Variants in IL1RAPL1 observed in about 807,000 individuals in gnomAD.
IL1RAPL1 encodes interleukin-1 receptor accessory protein-like 1.
In IL1RAPL1, 3 loss-of-function variants were observed where a neutral mutation model predicts 48.4. That is an observed-to-expected ratio of 0.06 (90% confidence interval 0.03 to 0.16). The LOEUF (loss-of-function observed/expected upper bound fraction) is 0.16, where lower values mean the gene tolerates loss of function less well. Ranked by LOEUF, IL1RAPL1 falls within the 10% of genes least tolerant of loss-of-function variation. The pLI is 1.00. For missense variants in IL1RAPL1, 349 were observed against 530.6 expected, an observed-to-expected ratio of 0.66 and a Z score of 3.36; for synonymous variants, 185 against 187.7, an observed-to-expected ratio of 0.99 and a Z score of 0.12.
intron 6 of IL1RAPL1, among the ~76,000 whole-genome samples, chrX:29,800,557 G>A (rs1204079752): frequency 9.1e-6 from 1 of 109,931 alleles, no homozygotes; most frequent in Non-Finnish European, 1.9e-5. Context: ...TATATATGCA[G>A]AAAAGCAATG....
chrX:29,351,175 A>G (rs1467863271), intron 3 of IL1RAPL1, among the ~76,000 whole-genome samples: 1 of 112,147 alleles, frequency 8.9e-6, no homozygotes, highest in Non-Finnish European at 1.9e-5. Flanking sequence ...AAGGTCTGAT[A>G]AGGAATTTTG....
At chrX:28,735,435 A>G (rs1402446969) in intron 1 of IL1RAPL1, among the ~76,000 whole-genome samples, 4 of 110,552 alleles carry the variant, frequency 3.6e-5, no homozygotes, top group Non-Finnish European at 5.7e-5. Flanking sequence ...TCTATAGAAT[A>G]TTTTTCAGAA....
intron 5 of IL1RAPL1, among the ~76,000 whole-genome samples, chrX:29,558,941 G>C (rs1922094939): frequency 9.0e-6 from 1 of 111,584 alleles, no homozygotes; most frequent in African/African-American, 3.2e-5. Flanking sequence ...TAGCCTTGTA[G>C]TGTATTTTGA....
At chrX:29,838,384 T>C (rs1185598142) in intron 6 of IL1RAPL1, among the ~76,000 whole-genome samples, 1 of 112,217 alleles carries the variant, frequency 8.9e-6, no homozygotes, top group Non-Finnish European at 1.9e-5. Flanking sequence ...CAACTTGGAA[T>C]CTCCTCAAGT....
chrX:29,803,573 A>G (rs1213278347), intron 6 of IL1RAPL1, among the ~76,000 whole-genome samples: 1 of 101,827 alleles, frequency 9.8e-6, no homozygotes, highest in Admixed American at 1.1e-4. Flanking sequence ...ATATATGTAT[A>G]CATATATGTA....
chrX:29,615,444 GAA>G (rs1489799064), intron 5 of IL1RAPL1, among the ~76,000 whole-genome samples: 1 of 110,614 alleles, frequency 9.0e-6, no homozygotes, highest in Non-Finnish European at 1.9e-5. Context: ...GGGGACGGGA[GAA>G]AAAAGTTCTC....
intron 5 of IL1RAPL1, among the ~76,000 whole-genome samples, chrX:29,522,561 T>C (rs1242924814): frequency 8.9e-6 from 1 of 111,999 alleles, no homozygotes; most frequent in Non-Finnish European, 1.9e-5. Flanking sequence ...TGTCTCTCCG[T>C]ATCTGGAGAC....
intron 5 of IL1RAPL1, among the ~76,000 whole-genome samples, chrX:29,432,469 C>G (rs56346347): frequency 0.085 from 9,476 of 110,929 alleles, 554 homozygotes; most frequent in African/African-American, 0.21. Flanking sequence ...TTGAGCAACT[C>G]TCCCTACACA....
chrX:29,154,408 C>T (rs1017861789), intron 2 of IL1RAPL1, among the ~76,000 whole-genome samples: 5 of 110,082 alleles, frequency 4.5e-5, no homozygotes, highest in Admixed American at 9.8e-5. Flanking sequence ...GGCATGGTGG[C>T]GCATGCCTGT....
intron 3 of IL1RAPL1, among the ~76,000 whole-genome samples, chrX:29,362,719 A>G (rs1933393573): frequency 8.9e-6 from 1 of 111,738 alleles, no homozygotes; most frequent in African/African-American, 3.3e-5. Flanking sequence ...TTATCCAACG[A>G]TAATGCAGAC....
intron 5 of IL1RAPL1, among the ~76,000 whole-genome samples, chrX:29,569,113 C>G (rs930949332): frequency 9.0e-6 from 1 of 111,354 alleles, no homozygotes; most frequent in Non-Finnish European, 1.9e-5. Context: ...CATTTCTCTA[C>G]AGTCTAGCAC....
chrX:29,110,776 A>C (rs1159045822), intron 2 of IL1RAPL1, among the ~76,000 whole-genome samples: 1 of 111,631 alleles, frequency 9.0e-6, no homozygotes, highest in Non-Finnish European at 1.9e-5. Flanking sequence ...CCAAAAACTT[A>C]AGTTTCTTTC....
intron 5 of IL1RAPL1, among the ~76,000 whole-genome samples, chrX:29,583,042 C>G (rs1426501729): frequency 9.8e-6 from 1 of 101,560 alleles, no homozygotes; most frequent in Non-Finnish European, 2.0e-5. Context: ...TCTCCACATC[C>G]TCTCCAGCAC....
intron 2 of IL1RAPL1, among the ~76,000 whole-genome samples, chrX:29,141,169 TG>T (rs1929236617): frequency 9.1e-6 from 1 of 110,413 alleles, no homozygotes; most frequent in East Asian, 2.8e-4. Context: ...AGTGGATTAA[TG>T]GTGTTTATAT....
chrX:28,914,191 G>A (rs949751685), intron 2 of IL1RAPL1, among the ~76,000 whole-genome samples: 8 of 110,318 alleles, frequency 7.3e-5, no homozygotes, highest in African/African-American at 2.0e-4. Flanking sequence ...GTGCTGGATC[G>A]GTACAGAAAG....
intron 5 of IL1RAPL1, among the ~76,000 whole-genome samples, chrX:29,590,662 C>G (rs1171554211): frequency 8.9e-6 from 1 of 111,732 alleles, no homozygotes; most frequent in Non-Finnish European, 1.9e-5. Context: ...AACAGGGGCT[C>G]ATCCAAGGTC....
intron 6 of IL1RAPL1, among the ~76,000 whole-genome samples, chrX:29,806,501 G>A (rs1332491182): frequency 9.0e-6 from 1 of 110,667 alleles, no homozygotes; most frequent in African/African-American, 3.3e-5. Flanking sequence ...ATATAGCAAA[G>A]AATATGATTA....
intron 1 of IL1RAPL1, among the ~76,000 whole-genome samples, chrX:28,643,660 C>T (rs910337655): frequency 4.5e-5 from 5 of 111,487 alleles, no homozygotes; most frequent in African/African-American, 1.6e-4. Flanking sequence ...TTAAAAGTAG[C>T]TAAGTAGAAA....
At chrX:29,080,343 C>A (rs1295695045) in intron 2 of IL1RAPL1, among the ~76,000 whole-genome samples, 1 of 109,782 alleles carries the variant, frequency 9.1e-6, no homozygotes, top group Non-Finnish European at 1.9e-5. Context: ...TGTGCCACTG[C>A]ACTCCAGCAT....
Sources: allele counts gnomAD v4.1 joint callset (sites outside exome capture counted in the v4.1 genomes callset), GRCh38; gene constraint gnomAD v4.1.1; transcripts MANE v1.5; gene names NCBI Gene and HGNC (gene_info 2026-07-23, HGNC 2026-07-21).